Variants in BCL11B observed in about 807,000 individuals in gnomAD.
The protein encoded by BCL11B is B-cell lymphoma/leukemia 11B.
In BCL11B, 8 loss-of-function variants were observed where a neutral mutation model predicts 49.9. That is an observed-to-expected ratio of 0.16 (90% CI 0.09 to 0.29). The LOEUF (loss-of-function observed/expected upper bound fraction) is 0.29, where lower values mean the gene tolerates loss of function less well. BCL11B is among the 10% of genes least tolerant of loss of function. The pLI is 1.00. For synonymous variants in BCL11B, 739 were observed against 637.4 expected, an observed-to-expected ratio of 1.16 and a Z score of -2.40; for missense variants, 1,006 against 1,351.0, an observed-to-expected ratio of 0.74 and a Z score of 4.00.
intron 3 of BCL11B, among the ~76,000 whole-genome samples, chr14:99,219,235 T>C (rs1383271755): frequency 6.6e-6 from 1 of 152,056 alleles, no homozygotes; most frequent in Non-Finnish European, 1.5e-5. Context: ...GGTTTCGCCA[T>C]GTTGCCCAGG....
At chr14:99,211,993 G>A (rs1417610746) in intron 3 of BCL11B, among the ~76,000 whole-genome samples, 1 of 151,972 alleles carries the variant, frequency 6.6e-6, no homozygotes, top group Non-Finnish European at 1.5e-5. Context: ...CAGCAGAAGA[G>A]TTGGTTCCAA....
chr14:99,206,958 C>A (rs142517138), intron 3 of BCL11B, among the ~76,000 whole-genome samples: 1 of 152,262 alleles, frequency 6.6e-6, no homozygotes, highest in African/African-American at 2.4e-5. Flanking sequence ...TAGATAAAGG[C>A]CCGGTCTTAT....
At chr14:99,266,377 C>T (rs755536907) in intron 1 of BCL11B, among the ~76,000 whole-genome samples, 28 of 152,096 alleles carry the variant, frequency 1.8e-4, no homozygotes, top group Admixed American at 6.6e-5. Context: ...CGATCACCAG[C>T]GCCTTAATAA....
At chr14:99,245,950 C>T (rs1595070445) in intron 2 of BCL11B, among the ~76,000 whole-genome samples, 1 of 146,824 alleles carries the variant, frequency 6.8e-6, no homozygotes, top group East Asian at 2.1e-4. Context: ...CCGACGGGGG[C>T]GGGGGGGAAA....
chr14:99,245,312 A>C (rs1244837954), intron 2 of BCL11B, among the ~76,000 whole-genome samples: 1 of 152,232 alleles, frequency 6.6e-6, no homozygotes, highest in Non-Finnish European at 1.5e-5. Flanking sequence ...AATCCCTGTA[A>C]TTCCAGGAGC....
Position 99,175,534 on chromosome 14 carries a change from C to T in BCL11B, c.1302G>A (p.Lys434=), listed in dbSNP as rs1344336342. The T allele has an allele frequency of 6.2e-7, 1 of 1,606,264 alleles. No homozygotes were observed. Among genetic ancestry groups the T allele is most frequent in the African/African-American group, 1.3e-5 (1 of 74,240 alleles). ...AKSKSCEFCG[K]TFKFQSNLIV... ...TGAGATTGCTCTGGAACTTGAAGGT[C>T]TTGCCGCAGAACTCGCACGACTTGC... The change falls in exon 4 of 4, where the codon AAG becomes AAA. Residue 434 remains lysine, a synonymous_variant. Coordinates refer to ENST00000357195, the MANE Select transcript of BCL11B (RefSeq NM_138576.4).
intron 3 of BCL11B, among the ~76,000 whole-genome samples, chr14:99,218,893 A>G (rs1219614460): frequency 6.6e-6 from 1 of 152,208 alleles, no homozygotes; most frequent in African/African-American, 2.4e-5. Flanking sequence ...TTTTATTTTA[A>G]TTGTTCAGAA....
chr14:99,176,944 C>T (rs1324253872), intron 3 of BCL11B, among the ~76,000 whole-genome samples: 1 of 151,902 alleles, frequency 6.6e-6, no homozygotes, highest in East Asian at 1.9e-4. Context: ...AGAGAAATAG[C>T]TGCAATACCT....
chr14:99,200,959 T>A (rs1887362886), intron 3 of BCL11B, among the ~76,000 whole-genome samples: 1 of 152,154 alleles, frequency 6.6e-6, no homozygotes, highest in Non-Finnish European at 1.5e-5. Flanking sequence ...TCCTTTATGC[T>A]CTCAGACCAG....
intron 1 of BCL11B, among the ~76,000 whole-genome samples, chr14:99,269,157 C>A (rs1889574346): frequency 6.8e-6 from 1 of 147,582 alleles, no homozygotes; most frequent in Non-Finnish European, 1.5e-5. Context: ...CCTTCCCCGA[C>A]CCCCCCAATT....
chr14:99,232,416 T>C lies in BCL11B; in HGVS notation c.428-859A>G, dbSNP rs907746294. On this transcript the variant is annotated intron_variant, in intron 2 of 3. Transcript: ENST00000357195. This position sits in a 1 kb window ranked among gnomAD's most constrained non-coding sequence, Gnocchi z 5.1. The stretch of plus-strand genomic sequence containing the variant: ...GGGCAAAACATTTGTGTGAAGCCCT[T>C]GCCAAAACCACAAGTGAAGAAGCCC... Among the ~76,000 whole-genome samples, 2 of 152,212 alleles carry C rather than the reference T, an allele frequency of 1.3e-5. No individual in the cohort carries two copies. The highest frequency in any genetic ancestry group is 2.4e-5 in the African/African-American group (1 of 41,454).
chr14:99,175,786 G>C lies in BCL11B; in HGVS notation c.1050C>G (p.Arg350=), dbSNP rs750356125. ...GCGAGTCGATGGCCATGGGGTTCAG[G>C]CGCATGACTCGGTCGAAGGCACTGG... The part of the protein sequence containing the change: ...QHPSAFDRVM[R]LNPMAIDSPA... Residue 350 remains arginine (R), a synonymous_variant, in exon 4 of 4, where the codon CGC becomes CGG. Coordinates refer to ENST00000357195, the MANE Select transcript of BCL11B (RefSeq NM_138576.4). 1.4e-6 allele frequency: 2 copies of C among 1,472,176 alleles called. No individual in the cohort carries two copies. The highest frequency in any genetic ancestry group is 3.0e-5 in the African/African-American group (2 of 67,518). The allele number at this position is 1,472,176 out of a possible 1,614,324, so 91.2% of individuals were successfully genotyped here.
intron 2 of BCL11B, among the ~76,000 whole-genome samples, chr14:99,255,265 T>A (rs1158908049): frequency 6.6e-6 from 1 of 152,102 alleles, no homozygotes; most frequent in Non-Finnish European, 1.5e-5. Flanking sequence ...CATATCTCTT[T>A]AGACTTCTAA....
At chr14:99,258,177 G>C (rs982806091) in intron 1 of BCL11B, among the ~76,000 whole-genome samples, 5 of 152,200 alleles carry the variant, frequency 3.3e-5, no homozygotes, top group Non-Finnish European at 5.9e-5. Context: ...ACACACCCTG[G>C]CTGCTGACAG....
Position 99,192,273 on chromosome 14 carries a change from A to G in BCL11B, c.641-16078T>C, listed in dbSNP as rs917185884. On this transcript the variant is annotated intron_variant, in intron 3 of 3. Transcript: ENST00000357195. The surrounding 1 kb of genome is among the most constrained non-coding windows in gnomAD (Gnocchi z 4.0). Reference sequence around the variant, plus strand: ...CACGGTGAACCTGGCTCTCGCATACAGTAGCACTTTCATTTTAAGCGCCCC... The same window carrying G: ...CACGGTGAACCTGGCTCTCGCATACGGTAGCACTTTCATTTTAAGCGCCCC... 6.6e-6 allele frequency among the ~76,000 whole-genome samples: 1 copy of G among 152,138 alleles called. No individual in the cohort carries two copies. The highest frequency in any genetic ancestry group is 1.5e-5 in the Non-Finnish European group (1 of 68,030).
intron 3 of BCL11B, among the ~76,000 whole-genome samples, chr14:99,182,934 C>CTG (rs1886750098): frequency 6.6e-6 from 1 of 152,240 alleles, no homozygotes; most frequent in Admixed American, 6.5e-5. Flanking sequence ...CGTGGTAGCA[C>CTG]TGTGTGTTCT....
intron 2 of BCL11B, among the ~76,000 whole-genome samples, chr14:99,233,632 T>A (rs1363774875): frequency 6.6e-6 from 1 of 152,150 alleles, no homozygotes; most frequent in Non-Finnish European, 1.5e-5. Context: ...AGAAGCTGAC[T>A]CTGTCTCCGT....
chr14:99,246,170 T>TGGGGGAGGGGAGTGTC (rs1332081201), intron 2 of BCL11B, among the ~76,000 whole-genome samples: 1 of 150,048 alleles, frequency 6.7e-6, no homozygotes, highest in East Asian at 2.0e-4. Context: ...CCAGGCCGAG[T>TGGGGGAGGGGAGTGTC]GGGGGAGGGG....
rs112147952 is a variant in BCL11B, at chr14:99,241,476, GA to G, written c.428-9920del. On this transcript the variant is annotated intron_variant, in intron 2 of 3. Coordinates refer to ENST00000357195, the MANE Select transcript of BCL11B (RefSeq NM_138576.4). This position sits in a 1 kb window ranked among gnomAD's most constrained non-coding sequence, Gnocchi z 4.4. ...ACAGACACAAAACCCAAAAGAAAAAGAAAAAAAAAAATCTTCGCACCACATC... is the reference window on the plus strand; with the variant it reads ...ACAGACACAAAACCCAAAAGAAAAAGAAAAAAAAAATCTTCGCACCACATC... Among the ~76,000 whole-genome samples, 586 of 144,422 alleles carry G rather than the reference GA, an allele frequency of 4.1e-3. 3 individuals are homozygous for G. Among genetic ancestry groups the G allele is most frequent in the African/African-American group, 0.013 (507 of 39,444 alleles). 94.7% of individuals were successfully genotyped at this position (144,422 alleles called of 152,430 possible).
Sources: gnomAD v4.1 joint callset for allele counts (sites outside exome capture counted in the v4.1 genomes callset) on GRCh38, gnomAD v4.1.1 for gene constraint, Gnocchi (gnomAD v3.1) non-coding constraint, MANE v1.5 for transcripts, NCBI Gene and HGNC (gene_info 2026-07-23, HGNC 2026-07-21) for gene names.